Variants in DCAF6 observed in about 807,000 individuals in gnomAD.
The protein encoded by DCAF6 is DDB1- and CUL4-associated factor 6.
In DCAF6, 54 loss-of-function variants were observed where a neutral mutation model predicts 125.1. The ratio of observed to expected loss-of-function variants is 0.43; its 90% CI spans 0.35 to 0.54. The LOEUF is 0.54. Ranked by LOEUF, DCAF6 falls within the 20% of genes least tolerant of loss-of-function variation. The pLI is 0.01. For synonymous variants in DCAF6, 371 were observed against 390.4 expected, an observed-to-expected ratio of 0.95 and a Z score of 0.58; for missense variants, 934 against 1,161.7, an observed-to-expected ratio of 0.80 and a Z score of 2.85.
At chr1:167,964,780 T>C (rs1676142488) in intron 2 of DCAF6, among the ~76,000 whole-genome samples, 1 of 152,220 alleles carries the variant, frequency 6.6e-6, no homozygotes, top group Admixed American at 6.5e-5. Flanking sequence ...TTTTTATTGA[T>C]ATATCCTCAA....
rs1688996322 is a variant in DCAF6, at chr1:168,045,062, A to G, written c.2093A>G (p.Asn698Ser). The change falls in exon 16 of 22, where the codon AAT (asparagine) becomes AGT (serine). Residue 698 changes from asparagine to serine, a missense_variant. Transcript: ENST00000367840. The stretch of plus-strand genomic sequence containing the variant: ...CAGACTAGCACTGAGAGTGCTACCA[A>G]TGAAAATAACACCAATCCTGAGCCT... ...SDQTSTESAT[N>S]ENNTNPEPQF... 6.2e-7 allele frequency: 1 copy of G among 1,614,058 alleles called. No homozygotes were observed. The highest frequency in any genetic ancestry group is 1.3e-5 in the African/African-American group (1 of 75,040).
At position 167,991,267 on chromosome 1, in the gene DCAF6, T is replaced by C. The variant is rs747704216; in HGVS notation, c.616T>C (p.Tyr206His). The change falls in exon 6 of 22, where the codon TAC (tyrosine) becomes CAC (histidine). Residue 206 changes from tyrosine to histidine, a missense_variant. By Grantham distance (83) the Tyr-to-His change is moderately conservative. Transcript: ENST00000367840. The stretch of plus-strand genomic sequence containing the variant: ...TGCTATTTGCCCACCAATACCATAT[T>C]ACCTTGCTGTTGGTTGTTCTGACAG... ...SVAICPPIPY[Y>H]LAVGCSDSSV... 1 of 1,613,570 alleles carries C rather than the reference T, an allele frequency of 6.2e-7. No individual in the cohort carries two copies. The highest frequency in any genetic ancestry group is 8.5e-7 in the Non-Finnish European group (1 of 1,179,906).
chr1:167,936,605 G>A (rs1009335579), upstream of DCAF6: 3 of 351,916 alleles, frequency 8.5e-6, no homozygotes, highest in African/African-American at 2.2e-5. Context: ...GACGAGGAGA[G>A]GGAGGAGTCG....
intron 4 of DCAF6, among the ~76,000 whole-genome samples, chr1:167,982,839 T>C (rs1230388521): frequency 6.6e-6 from 1 of 152,132 alleles, no homozygotes; most frequent in Non-Finnish European, 1.5e-5. Flanking sequence ...TTTTTATATA[T>C]GGTGAAATGT....
the DCAF6 span, among the ~76,000 whole-genome samples, chr1:167,888,031 A>G: frequency 5.9e-5 from 9 of 152,138 alleles, no homozygotes; most frequent in Non-Finnish European, 1.2e-4. Context: ...CAATTTATTG[A>G]AGGGATTGTC....
In DCAF6 at chr1:168,038,389, T is replaced by C. The variant is rs1261892519; in HGVS notation, c.1628T>C (p.Leu543Pro). The change falls in exon 13 of 22, where the codon CTG becomes CCG. Residue 543 changes from leucine (L) to proline (P), a missense_variant. Physicochemically the swap from Leu to Pro is moderately conservative, Grantham distance 98. This residue lies in a region of DCAF6 where 559 missense variants were observed against 635.5 expected (regional missense o/e 0.88). Coordinates refer to ENST00000367840, the MANE Select transcript of DCAF6 (RefSeq NM_001198956.2). Reference sequence around the variant, plus strand: ...TTTTCAGATAACAATAATGAAAAGCTGAGCCCCAAACCAGGGACAGGTGAA... The same window carrying C: ...TTTTCAGATAACAATAATGAAAAGCCGAGCCCCAAACCAGGGACAGGTGAA... ...DEQQDNNNEK[L>P]SPKPGTGEPV... 1.2e-6 allele frequency: 2 copies of C among 1,610,602 alleles called. No individual in the cohort carries two copies. Among genetic ancestry groups the C allele is most frequent in the South Asian group, 2.2e-5 (2 of 90,228 alleles).
At chr1:167,909,964 A>ACC in the DCAF6 span, among the ~76,000 whole-genome samples, 1 of 151,842 alleles carries the variant, frequency 6.6e-6, no homozygotes, top group African/African-American at 2.4e-5. Context: ...TAAAAGATTA[A>ACC]CCCCCATTCT....
the DCAF6 span, among the ~76,000 whole-genome samples, chr1:167,876,938 T>C: frequency 6.6e-6 from 1 of 152,188 alleles, no homozygotes; most frequent in African/African-American, 2.4e-5. Context: ...TAGAGCCAGA[T>C]TGCCCTAGTT....
At chr1:167,904,866 G>T in the DCAF6 span, 1 of 1,227,408 alleles carries the variant, frequency 8.1e-7, no homozygotes, top group Non-Finnish European at 1.2e-6. Flanking sequence ...TCTCAGTGGA[G>T]CACATCTGCT....
chr1:167,878,612 C>T, the DCAF6 span: 1 of 1,614,044 alleles, frequency 6.2e-7, no homozygotes, highest in Non-Finnish European at 8.5e-7. Flanking sequence ...ATCCTGGCAG[C>T]TAAGTTGACT....
chr1:167,936,738 G>A lies in DCAF6; in HGVS notation c.-174G>A, dbSNP rs1464153372. 4 of 603,262 alleles carry A rather than the reference G, an allele frequency of 6.6e-6. No homozygotes were observed. The highest frequency in any genetic ancestry group is 5.9e-6 in the Non-Finnish European group (2 of 338,302). 37.4% of individuals were successfully genotyped at this position (603,262 alleles called of 1,614,324 possible). A position where few individuals can be genotyped will look rare whatever the true frequency, so the allele number is the denominator to read the frequency against. ...ATGAGGCGAGCTCCGGCCCGGGTGC[G>A]GCCGGGCTTCAGGGGCCCAGGCGCC... is the stretch of plus-strand genomic sequence containing the variant. On this transcript the variant is annotated 5_prime_UTR_variant, in exon 1 of 22. Transcript: ENST00000367840.
At chr1:167,983,981 C>A (rs1679574586) in intron 4 of DCAF6, among the ~76,000 whole-genome samples, 1 of 152,172 alleles carries the variant, frequency 6.6e-6, no homozygotes, top group African/African-American at 2.4e-5. Context: ...TTGTGACTTA[C>A]AGTGGCTGCG....
chr1:168,061,701 T>C (rs547188717), intron 17 of DCAF6, among the ~76,000 whole-genome samples: 1 of 152,322 alleles, frequency 6.6e-6, no homozygotes, highest in South Asian at 2.1e-4. Context: ...TTCTGTAATA[T>C]ACATTTTTTA....
the DCAF6 span, among the ~76,000 whole-genome samples, chr1:167,911,068 G>A: frequency 6.6e-6 from 1 of 152,170 alleles, no homozygotes; most frequent in African/African-American, 2.4e-5. Flanking sequence ...AGTGGGTTAG[G>A]TTTATTCTTT....
At chr1:167,889,322 C>T in the DCAF6 span, among the ~76,000 whole-genome samples, 1 of 152,140 alleles carries the variant, frequency 6.6e-6, no homozygotes, top group Non-Finnish European at 1.5e-5. Context: ...TCAGCATCAA[C>T]TGAAATGATA....
At chr1:167,899,205 A>G in the DCAF6 span, among the ~76,000 whole-genome samples, 4 of 152,178 alleles carry the variant, frequency 2.6e-5, no homozygotes, top group South Asian at 2.1e-4. Context: ...TCAGTTACCC[A>G]TAAAGAAGCC....
chr1:167,877,583 ATAAT>A, the DCAF6 span, among the ~76,000 whole-genome samples: 105 of 152,322 alleles, frequency 6.9e-4, 1 homozygote, highest in Non-Finnish European at 1.0e-4. Flanking sequence ...GAATAAAGAA[ATAAT>A]TAGTATCTTC....
chr1:167,920,329 T>C, the DCAF6 span, among the ~76,000 whole-genome samples: 2 of 152,320 alleles, frequency 1.3e-5, no homozygotes, highest in Admixed American at 6.5e-5. Context: ...TATAAAAATA[T>C]GTTCATGGCA....
At chr1:167,887,844 G>T in the DCAF6 span, among the ~76,000 whole-genome samples, 1 of 150,996 alleles carries the variant, frequency 6.6e-6, no homozygotes, top group African/African-American at 2.4e-5. Context: ...GTGCTTGTGG[G>T]GTATTACTCA....
Sources: allele counts gnomAD v4.1 joint callset (sites outside exome capture counted in the v4.1 genomes callset), GRCh38; gene constraint gnomAD v4.1.1; regional missense constraint gnomAD v4.1.1; transcripts MANE v1.5; gene names NCBI Gene and HGNC (gene_info 2026-07-23, HGNC 2026-07-21).